Variants in TRPA1 observed in about 807,000 individuals in gnomAD.
TRPA1 encodes the protein transient receptor potential cation channel subfamily A member 1.
TRPA1 carries 129 observed loss-of-function variants against 131.3 expected under a neutral mutation model. The observed-to-expected ratio is 0.98, with a 90% CI of 0.85 to 1.14. The LOEUF is 1.14. Among genes scored for constraint, TRPA1 ranks in the 50% most tolerant of loss-of-function variants. The pLI, the probability that TRPA1 is intolerant of heterozygous loss-of-function variation, is 0.00. For missense variants in TRPA1, 1,304 were observed against 1,354.2 expected (o/e 0.96, Z 0.58); for synonymous variants, 441 against 451.7 (o/e 0.98, Z 0.30).
At chr8:72,082,694 T>C in the TRPA1 span, among the ~76,000 whole-genome samples, 1 of 151,972 alleles carries the variant, frequency 6.6e-6, no homozygotes, top group African/African-American at 2.4e-5. Flanking sequence ...TTTTTTTTTT[T>C]CAATTAGATA....
rs114709687 is a variant in TRPA1 at position 72,024,792 on chromosome 8, A to T, written c.3052-881T>A. On this transcript the variant is annotated intron_variant, in intron 25 of 26. Coordinates refer to ENST00000262209, the MANE Select transcript of TRPA1 (RefSeq NM_007332.3). ...AGGATTGAGAAATCAGTTGCTGAGCATTCTGTTTCGGTAGTAATTTTAACC... is the reference window on the plus strand; with the variant it reads ...AGGATTGAGAAATCAGTTGCTGAGCTTTCTGTTTCGGTAGTAATTTTAACC... Among the ~76,000 whole-genome samples, 1,025 of 152,252 alleles carry T rather than the reference A, an allele frequency of 6.7e-3. 13 individuals are homozygous for T. Among genetic ancestry groups the T allele is most frequent in the African/African-American group, 0.024 (989 of 41,540 alleles).
intron 21 of TRPA1, among the ~76,000 whole-genome samples, chr8:72,035,691 C>T (rs1812011037): frequency 6.6e-6 from 1 of 152,114 alleles, no homozygotes; most frequent in Non-Finnish European, 1.5e-5. Context: ...TTTTATACCA[C>T]TTCAATTCCC....
At chr8:72,049,364 C>G (rs910614045) in intron 15 of TRPA1, among the ~76,000 whole-genome samples, 4 of 152,124 alleles carry the variant, frequency 2.6e-5, no homozygotes, top group African/African-American at 9.7e-5. Flanking sequence ...GGTGAAATGA[C>G]TTGCCTAAAA....
At chr8:72,057,093 C>A in intron 9 of TRPA1, 76 bp from the exon 10 acceptor site, 11 of 1,188,892 alleles carry the variant, frequency 9.3e-6, no homozygotes, top group Admixed American at 5.2e-5. Context: ...TTCAACTTAG[C>A]AAAAAAAAAT....
intron 23 of TRPA1, 98 bp downstream of exon 23, chr8:72,033,546 C>A: frequency 8.7e-7 from 1 of 1,156,050 alleles, no homozygotes; most frequent in Non-Finnish European, 1.2e-6. Context: ...CCTTCCTGAT[C>A]TCCCCAGTGG....
At chr8:72,083,190 C>A in the TRPA1 span, among the ~76,000 whole-genome samples, 2 of 152,096 alleles carry the variant, frequency 1.3e-5, no homozygotes, top group East Asian at 1.9e-4. Flanking sequence ...TCATTCTCAA[C>A]ATATTTTCCT....
Position 72,053,947 on chromosome 8 carries a change from G to C in TRPA1, c.1530-80C>G, listed in dbSNP as rs552643212. On this transcript the variant is annotated intron_variant, in intron 12 of 26. Transcript: ENST00000262209. ...ATGGGATGCCACTTGGCTTATTCTA[G>C]GTAAATCTGATGACAACAAAAAGCA... The C allele has an allele frequency of 2.9e-5, 28 of 958,214 alleles. No individual in the cohort carries two copies. The African/African-American group carries it at 3.9e-4, about 13-fold the overall frequency. The allele number at this position is 958,214 out of a possible 1,614,324, so 59.4% of individuals were successfully genotyped here.
At chr8:72,084,436 T>A in the TRPA1 span, among the ~76,000 whole-genome samples, 3 of 144,114 alleles carry the variant, frequency 2.1e-5, no homozygotes, top group African/African-American at 5.0e-5. Context: ...TCTTAGAGAT[T>A]TGATTTTTTA....
chr8:72,057,396 A>G (rs1452269912), intron 9 of TRPA1, among the ~76,000 whole-genome samples: 2 of 152,238 alleles, frequency 1.3e-5, no homozygotes, highest in Non-Finnish European at 2.9e-5. Flanking sequence ...GGAAAGTTAT[A>G]GTACCTACAC....
At chr8:72,034,522 A>C in intron 21 of TRPA1, 145 bp from the exon 22 acceptor site, 2 of 524,978 alleles carry the variant, frequency 3.8e-6, no homozygotes, top group Non-Finnish European at 6.6e-6. Flanking sequence ...AGAAAACATA[A>C]GAATTAATTG....
chr8:72,059,214 C>G (rs1719624589), intron 8 of TRPA1, among the ~76,000 whole-genome samples, 176 bp downstream of exon 8: 1 of 152,190 alleles, frequency 6.6e-6, no homozygotes, highest in Admixed American at 6.5e-5. Context: ...TTGGCTGTTA[C>G]GTATTCATAT....
Position 72,052,747 on chromosome 8 carries a change from C to G in TRPA1, c.1663G>C (p.Ala555Pro). Residue 555 changes from alanine (A) to proline (P), a missense_variant, in exon 14 of 27, where the codon GCT becomes CCT. Physicochemically the swap from Ala to Pro is conservative, Grantham distance 27. Coordinates refer to ENST00000262209, the MANE Select transcript of TRPA1 (RefSeq NM_007332.3). ...DEDGNTALHF[A>P]AREGHAKAVA... ...GCTTTGGCGTGGCCTTCCCTTGCAG[C>G]AAAGTGAAGTGCAGTGTTCTTTTGA... 6.2e-7 allele frequency: 1 copy of G among 1,613,044 alleles called. No individual in the cohort carries two copies. Among genetic ancestry groups the G allele is most frequent in the Admixed American group, 1.7e-5 (1 of 59,970 alleles).
At chr8:72,084,236 A>G in the TRPA1 span, among the ~76,000 whole-genome samples, 5 of 151,932 alleles carry the variant, frequency 3.3e-5, no homozygotes, top group East Asian at 5.8e-4. Context: ...GTTATTGTCT[A>G]TTTAGATTTT....
At chr8:72,063,396 T>C (rs1262002519) in intron 5 of TRPA1, 67 bp downstream of exon 5, 3 of 1,136,002 alleles carry the variant, frequency 2.6e-6, no homozygotes, top group Admixed American at 3.9e-5. Flanking sequence ...AAAAAAAAAA[T>C]CAAATTAATA....
chr8:72,058,808 G>A (rs1157520555), intron 8 of TRPA1, among the ~76,000 whole-genome samples: 2 of 152,150 alleles, frequency 1.3e-5, no homozygotes, highest in African/African-American at 4.8e-5. Context: ...TTGCTGATAT[G>A]GTGCAGCTTA....
chr8:72,029,670 G>T lies in TRPA1; in HGVS notation c.2937+231C>A, dbSNP rs1811736387. On this transcript the variant is annotated intron_variant, in intron 24 of 26. Coordinates refer to ENST00000262209, the MANE Select transcript of TRPA1 (RefSeq NM_007332.3). ...AATTTTAAACTTTGATCTGTTCTGG[G>T]CTAGCAGTATGTGGTATTCTCCTGG... 5 of 629,540 alleles carry T rather than the reference G, an allele frequency of 7.9e-6. No homozygotes were observed. In the East Asian group the frequency reaches 1.4e-4, roughly 18 times the overall value. 39.0% of individuals were successfully genotyped at this position (629,540 alleles called of 1,614,324 possible).
upstream of TRPA1, among the ~76,000 whole-genome samples, chr8:72,076,783 G>C (rs1344946261): frequency 6.6e-6 from 1 of 152,172 alleles, no homozygotes; most frequent in East Asian, 1.9e-4. Flanking sequence ...GGAATTCCTT[G>C]GAAGGATAAT....
chr8:72,075,243 A>G, intron 1 of TRPA1, 56 bp downstream of exon 1: 2 of 1,408,972 alleles, frequency 1.4e-6, no homozygotes, highest in Non-Finnish European at 2.0e-6. Flanking sequence ...GGAAACCTCC[A>G]GCCGACCCCC....
intron 23 of TRPA1, among the ~76,000 whole-genome samples, chr8:72,032,957 T>G (rs1811888305): frequency 6.6e-6 from 1 of 152,232 alleles, no homozygotes; most frequent in Non-Finnish European, 1.5e-5. Flanking sequence ...GGGCTCCCCA[T>G]GGACCTGGAA....
Sources: gnomAD v4.1 joint callset for allele counts (sites outside exome capture counted in the v4.1 genomes callset) on GRCh38, gnomAD v4.1.1 for gene constraint, MANE v1.5 for transcripts, NCBI Gene and HGNC (gene_info 2026-07-23, HGNC 2026-07-21) for gene names.